The following ANGPTL5 variants were observed in gnomAD, a reference collection of about 807,000 sequenced individuals.
ANGPTL5 encodes angiopoietin like 5, also known as angiopoietin-related protein 5.
ANGPTL5 carries 34 observed loss-of-function variants against 39.4 expected under a neutral mutation model. That is an observed-to-expected ratio of 0.86 (90% CI 0.66 to 1.15). The LOEUF is 1.15. Ranked by LOEUF, ANGPTL5 falls within the 50% of genes most tolerant of loss-of-function variation. The pLI is 0.00. For missense variants in ANGPTL5, 467 were observed against 457.5 expected (o/e 1.02, Z -0.19); for synonymous variants, 146 against 152.1 (o/e 0.96, Z 0.29).
At chr11:101,905,598 G>A in intron 4 of ANGPTL5, 146 bp downstream of exon 4, 2 of 626,254 alleles carry the variant, frequency 3.2e-6, no homozygotes, top group Non-Finnish European at 5.6e-6. Flanking sequence ...CTTTTTGTTT[G>A]CCTAAAGTTT....
At chr11:101,903,203 C>T (rs1476194462) in intron 5 of ANGPTL5, among the ~76,000 whole-genome samples, 1 of 152,052 alleles carries the variant, frequency 6.6e-6, no homozygotes, top group Non-Finnish European at 1.5e-5. Context: ...ACCACTAATA[C>T]AAGTAGCCAA....
intron 1 of ANGPTL5, among the ~76,000 whole-genome samples, chr11:101,913,905 T>C (rs1286125232): frequency 1.3e-5 from 2 of 152,226 alleles, no homozygotes; most frequent in Non-Finnish European, 2.9e-5. Context: ...TGTCCAGTTG[T>C]ATACATTTAG....
intron 1 of ANGPTL5, among the ~76,000 whole-genome samples, chr11:101,910,138 C>T (rs1429517974): frequency 6.6e-6 from 1 of 151,964 alleles, no homozygotes; most frequent in East Asian, 1.9e-4. Context: ...AGGCTGGGCG[C>T]GGTGGCTCAC....
chr11:101,896,447 C>T lies in ANGPTL5; in HGVS notation c.662-1383G>A, dbSNP rs192762338. On this transcript the variant is annotated intron_variant, in intron 7 of 8. Coordinates refer to ENST00000334289, the MANE Select transcript of ANGPTL5 (RefSeq NM_178127.5). ...CAGATATACATGTGGCATGGTGATT[C>T]GCTGCACCCATGAACTCGTTATCTA... Among the ~76,000 whole-genome samples, 129 of 152,082 alleles carry T rather than the reference C, an allele frequency of 8.5e-4. 1 individual carries two copies. The highest frequency in any genetic ancestry group is 3.0e-3 in the African/African-American group (123 of 41,448).
intron 1 of ANGPTL5, chr11:101,915,134 A>G: frequency 8.4e-7 from 1 of 1,194,522 alleles, no homozygotes; most frequent in Non-Finnish European, 1.2e-6. Flanking sequence ...GCTGCGCGGG[A>G]GCTAGGGCTG....
At chr11:101,898,600 T>G (rs1378143936) in intron 7 of ANGPTL5, among the ~76,000 whole-genome samples, 4 of 152,212 alleles carry the variant, frequency 2.6e-5, no homozygotes, top group Non-Finnish European at 5.9e-5. Flanking sequence ...ACAGAGACAA[T>G]TTGACTTCCT....
chr11:101,911,754 C>T lies in ANGPTL5; in HGVS notation c.-92-3753G>A, dbSNP rs932209680. Among the ~76,000 whole-genome samples, 13 of 152,194 alleles carry T rather than the reference C, an allele frequency of 8.5e-5. No individual in the cohort carries two copies. The South Asian group carries it at 1.7e-3, about 19-fold the overall frequency. ...AAAACCTCTTTTCTTTATAAATTAC[C>T]GACTCTCAGGTGTTTCTTTATAGCA... On this transcript the variant is annotated intron_variant, in intron 1 of 8. Coordinates refer to ENST00000334289, the MANE Select transcript of ANGPTL5 (RefSeq NM_178127.5).
chr11:101,904,819 G>T lies in ANGPTL5; in HGVS notation c.434C>A (p.Ser145Ter). Residue 145 changes from serine to a stop codon, truncating the protein, a stop_gained, in exon 5 of 9, where the codon TCA becomes TAA. Transcript: ENST00000334289. LOFTEE classifies it high-confidence loss of function. The stretch of plus-strand genomic sequence containing the variant: ...TGAAATACCAAAGTTCTCACCATGT[G>T]ACTGAACAGGTCTGTGAGGAAAAGG... ...LDPFPHRPVQSHGLDCTDIKD... is the reference protein window; with the variant it reads ...LDPFPHRPVQ 1.2e-6 allele frequency: 2 copies of T among 1,612,212 alleles called. No individual in the cohort carries two copies. Among genetic ancestry groups the T allele is most frequent in the South Asian group, 2.2e-5 (2 of 91,032 alleles).
At chr11:101,897,798 A>C (rs1027054726) in intron 7 of ANGPTL5, among the ~76,000 whole-genome samples, 3 of 152,208 alleles carry the variant, frequency 2.0e-5, no homozygotes, top group African/African-American at 7.2e-5. Flanking sequence ...TGATGCCTCC[A>C]GCTTTGTTCT....
intron 5 of ANGPTL5, 62 bp from the exon 6 acceptor site, chr11:101,902,783 A>T: frequency 9.2e-7 from 1 of 1,082,646 alleles, no homozygotes; most frequent in Non-Finnish European, 1.4e-6. Flanking sequence ...CAATCATTTT[A>T]CTATAGAGAA....
chr11:101,906,342 G>A (rs147852992), intron 3 of ANGPTL5, among the ~76,000 whole-genome samples: 2 of 152,190 alleles, frequency 1.3e-5, no homozygotes, highest in African/African-American at 4.8e-5. Flanking sequence ...ATAAATGTTA[G>A]TCAAAGGTTT....
chr11:101,907,889 G>A lies in ANGPTL5; in HGVS notation c.21C>T (p.Ala7=), dbSNP rs1184168632. 6.2e-7 allele frequency: 1 copy of A among 1,608,492 alleles called. No homozygotes were observed. The highest frequency in any genetic ancestry group is 2.2e-5 in the East Asian group (1 of 44,704). ...TACATACATTTAAGAATAAGAGTGA[G>A]GCTTGGGATGGAGACATCATATTTT... MMSPSQ[A]SLLFLNVCIF... is the part of the protein sequence containing the mutation. The change falls in exon 2 of 9, where the codon GCC becomes GCT. Residue 7 remains alanine, a synonymous_variant. Transcript: ENST00000334289.
In ANGPTL5 at chr11:101,904,899, C is replaced by T. The variant is rs1193280972; in HGVS notation, c.354G>A (p.Glu118=). 6.2e-7 allele frequency: 1 copy of T among 1,611,980 alleles called. No homozygotes were observed. Among genetic ancestry groups the T allele is most frequent in the Admixed American group, 1.7e-5 (1 of 60,006 alleles). ...TCAAAAGGAGAACTCTATTCATGAG[C>T]TCGTTAACCTAAACACATGCATACA... ...SLDYLSNQVN[E]LMNRVLLLTT... The change falls in exon 5 of 9, where the codon GAG becomes GAA. Residue 118 remains glutamate (E), a synonymous_variant. Transcript: ENST00000334289.
Position 101,891,345 on chromosome 11 carries a change from G to T in ANGPTL5, c.1101C>A (p.Asn367Lys). 3 of 1,614,012 alleles carry T rather than the reference G, an allele frequency of 1.9e-6. No homozygotes were observed. The highest frequency in any genetic ancestry group is 1.7e-6 in the Non-Finnish European group (2 of 1,179,974). ...AAACAGATTTAATCTTGACAGGTGAGTTGTTTTTGGTCCACGTGCCCCATT... is the reference window on the plus strand; with the variant it reads ...AAACAGATTTAATCTTGACAGGTGATTTGTTTTTGGTCCACGTGCCCCATT... ...GIQWGTWTKN[N>K]SPVKIKSVSM... is the part of the protein sequence containing the mutation. Residue 367 changes from asparagine (N) to lysine (K), a missense_variant, in exon 9 of 9, where the codon AAC becomes AAA. Coordinates refer to ENST00000334289, the MANE Select transcript of ANGPTL5 (RefSeq NM_178127.5).
chr11:101,902,819 CATT>C (rs1939928978), intron 5 of ANGPTL5, 98 bp from the exon 6 acceptor site: 1 of 704,972 alleles, frequency 1.4e-6, no homozygotes, highest in Non-Finnish European at 2.4e-6. Flanking sequence ...TCATAATTTT[CATT>C]ATTATATTAT....
chr11:101,902,848 A>G, intron 5 of ANGPTL5, 127 bp from the exon 6 acceptor site: 2 of 609,594 alleles, frequency 3.3e-6, no homozygotes, highest in East Asian at 5.9e-5. Flanking sequence ...CTTCTTCAAA[A>G]TGAAAAATGG....
At chr11:101,915,234 G>A (rs768428583) in intron 1 of ANGPTL5, 115 of 1,607,496 alleles carry the variant, frequency 7.2e-5, no homozygotes, top group Non-Finnish European at 9.3e-5. Flanking sequence ...AGCCGGAGCT[G>A]CCATGAGGGA....
chr11:101,904,361 T>C lies in ANGPTL5; in HGVS notation c.439+453A>G, dbSNP rs142240458. Among the ~76,000 whole-genome samples the C allele has an allele frequency of 4.9e-3, 741 of 152,314 alleles. 7 individuals are homozygous for C. The highest frequency in any genetic ancestry group is 0.017 in the African/African-American group (708 of 41,576). On this transcript the variant is annotated intron_variant, in intron 5 of 8. Transcript: ENST00000334289. Reference sequence around the variant, plus strand: ...GGAATTAATATGCTGTATTTTAGTATAAAAAGTGCTAACTTTCAGTTTATT... The same window carrying C: ...GGAATTAATATGCTGTATTTTAGTACAAAAAGTGCTAACTTTCAGTTTATT...
In ANGPTL5 at chr11:101,895,050, CT is replaced by C; in HGVS notation, c.675del (p.Gly226AspfsTer2). ...ACTATATAAAAAATCTTTTTCAGTC[CT>C]AGCCAAAATTCTCCTGTAAAAAAAA... ...GFGDLLGEFW[L>X]GLKKIFYIVN... On this transcript the variant is annotated frameshift_variant, in exon 8 of 9. Transcript: ENST00000334289. LOFTEE classifies it high-confidence loss of function. 6.3e-7 allele frequency: 1 copy of C among 1,593,336 alleles called. No individual in the cohort carries two copies. The highest frequency in any genetic ancestry group is 8.6e-7 in the Non-Finnish European group (1 of 1,167,324).
Sources: allele counts gnomAD v4.1 joint callset (sites outside exome capture counted in the v4.1 genomes callset), GRCh38; gene constraint gnomAD v4.1.1; transcripts MANE v1.5; gene names NCBI Gene and HGNC (gene_info 2026-07-23, HGNC 2026-07-21).